SCOC: variants seen among roughly 807,000 people sequenced by gnomAD.
SCOC encodes the protein short coiled-coil protein.
A neutral mutation model predicts 9.9 loss-of-function variants in SCOC; 7 were observed. The observed-to-expected ratio is 0.71, with a 90% confidence interval of 0.40 to 1.33. The LOEUF (loss-of-function observed/expected upper bound fraction) is 1.33. Ranked by LOEUF, SCOC falls within the 40% of genes most tolerant of loss-of-function variation. The probability of loss-of-function intolerance (pLI) is 0.01; values close to 1 mark genes in which losing one functional copy is unlikely to be tolerated. For synonymous variants in SCOC, 19 were observed against 28.2 expected, an observed-to-expected ratio of 0.67 and a Z score of 1.03; for missense variants, 66 against 89.7, an observed-to-expected ratio of 0.74 and a Z score of 1.07.
At chr4:140,337,428 A>G (rs6815845) in intron 1 of SCOC, among the ~76,000 whole-genome samples, 29,904 of 152,094 alleles carry the variant, frequency 0.2, 3,820 homozygotes, top group African/African-American at 0.36. Context: ...TTCAAAATTT[A>G]CCACAAAGCT....
intron 1 of SCOC, among the ~76,000 whole-genome samples, chr4:140,264,964 A>G (rs1030036976): frequency 6.6e-6 from 1 of 152,196 alleles, no homozygotes; most frequent in African/African-American, 2.4e-5. Flanking sequence ...GCCTCTACGC[A>G]TCATGAGGCC....
At chr4:140,371,364 C>T (rs762964539), upstream of SCOC, among the ~76,000 whole-genome samples, 7 of 152,078 alleles carry the variant, frequency 4.6e-5, no homozygotes, top group Non-Finnish European at 8.8e-5. Context: ...TACAGACATA[C>T]GCTTTTCTTC....
At chr4:140,351,482 C>T (rs1194090394) in intron 2 of SCOC, among the ~76,000 whole-genome samples, 2 of 152,146 alleles carry the variant, frequency 1.3e-5, no homozygotes, top group South Asian at 2.1e-4. Flanking sequence ...TGACTCTGCT[C>T]TCTAAAACCT....
chr4:140,367,788 G>C (rs1296483361), intron 2 of SCOC, among the ~76,000 whole-genome samples: 3 of 152,180 alleles, frequency 2.0e-5, no homozygotes, highest in Non-Finnish European at 4.4e-5. Flanking sequence ...ACAAAAGCTG[G>C]AATGAGGTGG....
chr4:140,319,579 C>G (rs6849404), intron 1 of SCOC, among the ~76,000 whole-genome samples: 34,882 of 151,974 alleles, frequency 0.23, 4,224 homozygotes, highest in East Asian at 0.35. Flanking sequence ...TAGTGATTCT[C>G]AGTTCTAATT....
chr4:140,362,313 T>TCTTCTTCTTCCTCTTCCTCTTCC (rs1727594134), intron 2 of SCOC, among the ~76,000 whole-genome samples: 1 of 84,180 alleles, frequency 1.2e-5, no homozygotes, highest in Admixed American at 1.3e-4. Context: ...TTTTTTTTTT[T>TCTTCTTCTTCCTCTTCCTCTTCC]TTGTGAGAGT....
At chr4:140,357,260 C>T (rs1727272345) in intron 2 of SCOC, among the ~76,000 whole-genome samples, 1 of 152,166 alleles carries the variant, frequency 6.6e-6, no homozygotes, top group South Asian at 2.1e-4. Context: ...GGGTGTGAGC[C>T]ACTGCACCCA....
At chr4:140,260,916 T>C (rs1218712740) in intron 1 of SCOC, among the ~76,000 whole-genome samples, 2 of 152,180 alleles carry the variant, frequency 1.3e-5, no homozygotes, top group Non-Finnish European at 2.9e-5. Context: ...AACAGCTGAT[T>C]AATAGTTTTT....
chr4:140,269,137 T>C lies in SCOC; in HGVS notation c.-19+11727T>C, dbSNP rs1310668896. ...TGCTTACTTGTTTTATTCCCTTCAC[T>C]AGACACAGGGCTGCAACCACACATT... On this transcript the variant is annotated intron_variant, in intron 1 of 4. Transcript: ENST00000394205. Among the ~76,000 whole-genome samples, 5 of 152,306 alleles carry C rather than the reference T, an allele frequency of 3.3e-5. No individual in the cohort carries two copies. In the East Asian group the frequency reaches 9.7e-4, roughly 29 times the overall value.
Position 140,291,421 on chromosome 4 carries a change from C to A in SCOC, c.-19+34011C>A, listed in dbSNP as rs1731468388. 3 of 456,912 alleles carry A rather than the reference C, an allele frequency of 6.6e-6. No homozygotes were observed. The Admixed American group carries it at 7.0e-5, about 11-fold the overall frequency. 28.3% of individuals were successfully genotyped at this position (456,912 alleles called of 1,614,324 possible). A position where few individuals can be genotyped will look rare whatever the true frequency, so the allele number is the denominator to read the frequency against. ...CAGGGCATGTGTCTTCCCAAGCCCT[C>A]TGGTGTATAGCAACCTCTTGTCATC... On this transcript the variant is annotated intron_variant, in intron 1 of 4. Transcript: ENST00000394205.
At chr4:140,314,764 G>A (rs183157923) in intron 1 of SCOC, among the ~76,000 whole-genome samples, 8 of 152,280 alleles carry the variant, frequency 5.3e-5, no homozygotes, top group African/African-American at 1.4e-4. Flanking sequence ...AGACACTAGC[G>A]TGGGGAGCAA....
At chr4:140,280,525 C>T (rs931025547) in intron 1 of SCOC, among the ~76,000 whole-genome samples, 2 of 152,164 alleles carry the variant, frequency 1.3e-5, no homozygotes, top group Non-Finnish European at 2.9e-5. Context: ...TTCTCTCTCC[C>T]TTTAGTGCCT....
chr4:140,291,603 C>T (rs965755525), intron 1 of SCOC: 16 of 440,244 alleles, frequency 3.6e-5, no homozygotes, highest in East Asian at 1.4e-4. Context: ...TATCCTTTCT[C>T]GGTCACCAAA....
upstream of SCOC, chr4:140,373,142 A>G: frequency 2.3e-6 from 1 of 438,930 alleles, no homozygotes; most frequent in Non-Finnish European, 3.2e-6. Context: ...CGGAAATAAG[A>G]AAAATATGAA....
chr4:140,274,131 G>A (rs1299362542), intron 1 of SCOC, among the ~76,000 whole-genome samples: 2 of 152,206 alleles, frequency 1.3e-5, no homozygotes, highest in African/African-American at 4.8e-5. Flanking sequence ...AAGCTACTAT[G>A]TATCACCCTG....
rs567338630 is a variant in SCOC, at chr4:140,384,042, T to G, written c.*2938T>G. The G allele has an allele frequency of 4.5e-4, 69 of 152,370 alleles. No homozygotes were observed. Among genetic ancestry groups the G allele is most frequent in the African/African-American group, 1.5e-3 (61 of 41,594 alleles). 9.4% of individuals were successfully genotyped at this position (152,370 alleles called of 1,614,324 possible). On this transcript the variant is annotated 3_prime_UTR_variant, in exon 4 of 4. Coordinates refer to ENST00000608372, the MANE Select transcript of SCOC (RefSeq NM_001153484.2). ...CTCAAAAATAATTTTGAACCTTTGC[T>G]GCTATTCAGACTTCAGAAACAATTG...
intron 1 of SCOC, among the ~76,000 whole-genome samples, chr4:140,315,904 G>A (rs2126474314): frequency 6.6e-6 from 1 of 152,160 alleles, no homozygotes. Flanking sequence ...AACATGTACT[G>A]TAGCATTAAG....
intron 1 of SCOC, among the ~76,000 whole-genome samples, chr4:140,265,469 C>T (rs1169351091): frequency 2.0e-5 from 3 of 152,210 alleles, no homozygotes; most frequent in Non-Finnish European, 2.9e-5. Context: ...AATCGGGCAG[C>T]CTCCTGAGCC....
At chr4:140,354,180 T>C (rs999818068) in intron 2 of SCOC, among the ~76,000 whole-genome samples, 4 of 152,338 alleles carry the variant, frequency 2.6e-5, no homozygotes, top group Non-Finnish European at 5.9e-5. Flanking sequence ...GCTTCCTTTA[T>C]AAAAATGTTT....
Sources: gnomAD v4.1 joint callset for allele counts (sites outside exome capture counted in the v4.1 genomes callset) on GRCh38, gnomAD v4.1.1 for gene constraint, MANE v1.5 for transcripts, NCBI Gene and HGNC (gene_info 2026-07-23, HGNC 2026-07-21) for gene names.